SSBP2: variants seen among roughly 807,000 people sequenced by gnomAD.
SSBP2 encodes the protein single-stranded DNA-binding protein 2.
In SSBP2, 17 loss-of-function variants were observed where a neutral mutation model predicts 61.8. The observed-to-expected ratio is 0.28, with a 90% CI of 0.19 to 0.41. The LOEUF (loss-of-function observed/expected upper bound fraction) is 0.41. Among genes scored for constraint, SSBP2 ranks in the 10% least tolerant of loss-of-function variants. The pLI is 1.00. For synonymous variants in SSBP2, 139 were observed against 141.3 expected (o/e 0.98, Z 0.12); for missense variants, 310 against 458.7 (o/e 0.68, Z 2.96).
At chr5:81,453,964 G>T (rs1391767754) in intron 10 of SSBP2, among the ~76,000 whole-genome samples, 1 of 152,206 alleles carries the variant, frequency 6.6e-6, no homozygotes, top group Non-Finnish European at 1.5e-5. Context: ...AGTTTGGTTG[G>T]TAAGTAGAAA....
chr5:81,501,853 G>A (rs1034474760), intron 5 of SSBP2, among the ~76,000 whole-genome samples: 1 of 151,822 alleles, frequency 6.6e-6, no homozygotes, highest in Non-Finnish European at 1.5e-5. Context: ...GTGAGCCACT[G>A]CGCCCTGCCC....
chr5:81,456,824 G>A (rs923118687), intron 10 of SSBP2, among the ~76,000 whole-genome samples: 1 of 152,060 alleles, frequency 6.6e-6, no homozygotes, highest in African/African-American at 2.4e-5. Context: ...CAAAATTGTG[G>A]ACAAAGATTA....
At chr5:81,634,882 T>C (rs1017216827) in intron 3 of SSBP2, among the ~76,000 whole-genome samples, 1 of 152,244 alleles carries the variant, frequency 6.6e-6, no homozygotes, top group Non-Finnish European at 1.5e-5. Flanking sequence ...CCAGGTGAAA[T>C]GTATTTGGCA....
At chr5:81,452,804 T>C (rs939321689) in intron 10 of SSBP2, among the ~76,000 whole-genome samples, 1 of 152,130 alleles carries the variant, frequency 6.6e-6, no homozygotes, top group Admixed American at 6.5e-5. Flanking sequence ...AACAAACTTT[T>C]AGAAATGCAG....
At chr5:81,473,320 A>G (rs568765813) in intron 8 of SSBP2, among the ~76,000 whole-genome samples, 1 of 152,282 alleles carries the variant, frequency 6.6e-6, no homozygotes, top group East Asian at 1.9e-4. Context: ...TATGTACGCC[A>G]TGGTAGTTTG....
intron 1 of SSBP2, among the ~76,000 whole-genome samples, chr5:81,682,731 G>A (rs548216178): frequency 6.6e-6 from 1 of 152,132 alleles, no homozygotes; most frequent in African/African-American, 2.4e-5. Flanking sequence ...AACTGTCTTT[G>A]TTCACAGATG....
rs1167329426 is a variant in SSBP2, at chr5:81,501,266, T to TAC, written c.373-11958_373-11957insGT. On this transcript the variant is annotated intron_variant, in intron 5 of 16. Transcript: ENST00000320672. The stretch of plus-strand genomic sequence containing the variant: ...ATATATATATATATATATATATATA[T>TAC]ATACACACACACACACATGCACATA... 8.9e-4 allele frequency among the ~76,000 whole-genome samples: 33 copies of TAC among 36,950 alleles called. 1 individual carries two copies. The highest frequency in any genetic ancestry group is 1.5e-3 in the Admixed American group (5 of 3,418). 24.2% of individuals were successfully genotyped at this position (36,950 alleles called of 152,430 possible).
intron 1 of SSBP2, among the ~76,000 whole-genome samples, chr5:81,662,738 T>C (rs1360899864): frequency 6.6e-6 from 1 of 151,884 alleles, no homozygotes; most frequent in African/African-American, 2.4e-5. Flanking sequence ...GAGGCGGAGG[T>C]TGCAGCAAGC....
At chr5:81,659,303 G>A (rs189077437) in intron 1 of SSBP2, among the ~76,000 whole-genome samples, 96 of 152,218 alleles carry the variant, frequency 6.3e-4, no homozygotes, top group Admixed American at 2.8e-3. Flanking sequence ...AAGCTGATAA[G>A]CAACTTCAGC....
At chr5:81,597,084 T>C (rs62366265) in intron 4 of SSBP2, among the ~76,000 whole-genome samples, 45,046 of 151,934 alleles carry the variant, frequency 0.3, 7,536 homozygotes, top group East Asian at 0.7. Context: ...GCAACCTGAA[T>C]GGGAGAAAAT....
At chr5:81,426,504 C>G (rs1197623723) in intron 16 of SSBP2, among the ~76,000 whole-genome samples, 3 of 152,166 alleles carry the variant, frequency 2.0e-5, no homozygotes, top group African/African-American at 4.8e-5. Context: ...AGCATTGAAC[C>G]CGCTTAAGTT....
intron 1 of SSBP2, 130 bp downstream of exon 1, chr5:81,750,851 C>A: frequency 9.7e-7 from 1 of 1,036,122 alleles, no homozygotes; most frequent in South Asian, 1.5e-5. Flanking sequence ...ATCGCGGCAC[C>A]CCTCCCCCTG....
intron 4 of SSBP2, among the ~76,000 whole-genome samples, chr5:81,594,870 A>C (rs1369696466): frequency 2.0e-5 from 3 of 152,170 alleles, no homozygotes; most frequent in Non-Finnish European, 2.9e-5. Flanking sequence ...TATAGCACTA[A>C]ATGCCCACAA....
intron 4 of SSBP2, among the ~76,000 whole-genome samples, chr5:81,590,131 C>T (rs1775385015): frequency 6.6e-6 from 1 of 151,910 alleles, no homozygotes; most frequent in Non-Finnish European, 1.5e-5. Flanking sequence ...CATAAGTTAC[C>T]TTAGAGATGT....
intron 1 of SSBP2, among the ~76,000 whole-genome samples, chr5:81,664,873 T>C (rs1390286251): frequency 6.6e-6 from 1 of 152,174 alleles, no homozygotes; most frequent in Non-Finnish European, 1.5e-5. Flanking sequence ...GATCAGATAG[T>C]TGTAGCAGTC....
At chr5:81,581,106 G>T (rs1220160573) in intron 4 of SSBP2, among the ~76,000 whole-genome samples, 1 of 152,124 alleles carries the variant, frequency 6.6e-6, no homozygotes, top group Non-Finnish European at 1.5e-5. Context: ...CATACTAATG[G>T]TCTGGTAACT....
At position 81,658,081 on chromosome 5, in the gene SSBP2, C is replaced by A. The variant is rs543904785; in HGVS notation, c.63-7742G>T. On this transcript the variant is annotated intron_variant, in intron 1 of 16. Transcript: ENST00000320672. ...TGAGAACACTTAAAATCTACTCTCT[C>A]AGCAACTTTCAAATATATAAAACAT... 4.6e-5 allele frequency among the ~76,000 whole-genome samples: 7 copies of A among 152,218 alleles called. No homozygotes were observed. In the South Asian group the frequency reaches 1.5e-3, roughly 32 times the overall value.
intron 6 of SSBP2, among the ~76,000 whole-genome samples, chr5:81,488,049 ATATATAT>A (rs1766551249): frequency 2.0e-5 from 1 of 50,530 alleles, no homozygotes; most frequent in Non-Finnish European, 3.5e-5. Context: ...ATATATATAT[ATATATAT>A]ATAAATAAAA....
At chr5:81,500,077 T>G (rs1167495682) in intron 5 of SSBP2, among the ~76,000 whole-genome samples, 2 of 152,224 alleles carry the variant, frequency 1.3e-5, no homozygotes, top group Non-Finnish European at 2.9e-5. Context: ...TTATATATGT[T>G]TTTACTTCTT....
Sources: gnomAD v4.1 joint callset for allele counts (sites outside exome capture counted in the v4.1 genomes callset) on GRCh38, gnomAD v4.1.1 for gene constraint, MANE v1.5 for transcripts, NCBI Gene and HGNC (gene_info 2026-07-23, HGNC 2026-07-21) for gene names.